The following SP140 variants were observed in gnomAD, a reference collection of about 807,000 sequenced individuals.
SP140 encodes nuclear body protein SP140.
In SP140, 81 loss-of-function variants were observed where a neutral mutation model predicts 125.0. The observed-to-expected ratio is 0.65, with a 90% CI of 0.54 to 0.78. The LOEUF (loss-of-function observed/expected upper bound fraction) is 0.78. SP140 is among the 30% of genes least tolerant of loss of function. The pLI is 0.00. For missense variants in SP140, 858 were observed against 1,037.0 expected (o/e 0.83, Z 2.37); for synonymous variants, 312 against 354.0 (o/e 0.88, Z 1.33).
chr2:230,307,440 GCCCAGA>G (rs1417387597), intron 22 of SP140, among the ~76,000 whole-genome samples: 4 of 152,348 alleles, frequency 2.6e-5, no homozygotes, highest in Non-Finnish European at 5.9e-5. Flanking sequence ...CCTTTGGGGA[GCCCAGA>G]CCTGGAAGCT....
At chr2:230,268,384 C>T (rs183504668) in intron 12 of SP140, among the ~76,000 whole-genome samples, 24 of 151,904 alleles carry the variant, frequency 1.6e-4, no homozygotes, top group African/African-American at 5.8e-4. Context: ...ATTAGCCAGG[C>T]GTGGTGGCAG....
rs182640141 is a variant in SP140 at position 230,299,469 on chromosome 2, C to T, written c.2058+2007C>T. Among the ~76,000 whole-genome samples the T allele has an allele frequency of 2.3e-4, 35 of 152,328 alleles. No homozygotes were observed. In the East Asian group the frequency reaches 6.0e-3, roughly 26 times the overall value. ...TAAGCATTTCAGTCCCCAGGGAAGC[C>T]ATTTCTGACTTTATCTCACAGTCCT... On this transcript the variant is annotated intron_variant, in intron 22 of 26. Coordinates refer to ENST00000392045, the MANE Select transcript of SP140 (RefSeq NM_007237.5).
chr2:230,251,877 A>G (rs1326704109), intron 10 of SP140, among the ~76,000 whole-genome samples: 1 of 152,134 alleles, frequency 6.6e-6, no homozygotes, highest in African/African-American at 2.4e-5. Context: ...ACACAGACGT[A>G]CATGTGACAC....
intron 15 of SP140, among the ~76,000 whole-genome samples, chr2:230,282,583 G>A (rs1396194278): frequency 6.6e-6 from 1 of 152,076 alleles, no homozygotes; most frequent in Non-Finnish European, 1.5e-5. Context: ...GATCACTTGA[G>A]GTCAGGAGTT....
intron 3 of SP140, chr2:230,238,598 A>G (rs2048299943): frequency 1.3e-6 from 1 of 756,702 alleles, no homozygotes; most frequent in East Asian, 2.7e-5. Context: ...AATCCTGCAA[A>G]TGGTTGCTCA....
downstream of SP140, among the ~76,000 whole-genome samples, chr2:230,314,354 G>A (rs1487853719): frequency 3.9e-5 from 6 of 152,324 alleles, no homozygotes; most frequent in East Asian, 1.9e-4. Flanking sequence ...TGAAGAGAGC[G>A]TTTATCCTCC....
chr2:230,202,014 T>TGAATGCAGAAACAGTTGTAG (rs1201908293), upstream of SP140, among the ~76,000 whole-genome samples: 6 of 152,326 alleles, frequency 3.9e-5, no homozygotes, highest in African/African-American at 1.4e-4. Context: ...ATATCACAAC[T>TGAATGCAGAAACAGTTGTAG]GAATGCAGAA....
At chr2:230,288,184 G>C in intron 18 of SP140, 1 of 458,344 alleles carries the variant, frequency 2.2e-6, no homozygotes, top group South Asian at 3.8e-5. Context: ...GGGCCCAGGG[G>C]CCACTAAAGT....
intron 12 of SP140, among the ~76,000 whole-genome samples, chr2:230,260,293 G>A (rs1356873935): frequency 6.6e-6 from 1 of 152,000 alleles, no homozygotes; most frequent in East Asian, 1.9e-4. Context: ...GGGATTGTTT[G>A]TTTTTTTCTT....
At chr2:230,189,891 G>A in the SP140 span, among the ~76,000 whole-genome samples, 2 of 152,288 alleles carry the variant, frequency 1.3e-5, no homozygotes, top group East Asian at 1.9e-4. Context: ...TTTTATGGCT[G>A]CATAGTGTTC....
intron 18 of SP140, 90 bp from the exon 19 acceptor site, chr2:230,290,370 A>G: frequency 1.7e-6 from 2 of 1,158,958 alleles, no homozygotes; most frequent in Admixed American, 2.2e-5. Context: ...TTTCCTAAGT[A>G]TCCCTCGTGT....
At chr2:230,316,024 T>C (rs1032649734), downstream of SP140, among the ~76,000 whole-genome samples, 30 of 152,354 alleles carry the variant, frequency 2.0e-4, no homozygotes, top group East Asian at 4.6e-3. Context: ...TTCTCAAGGA[T>C]TGGACAACAG....
chr2:230,241,564 C>A, intron 4 of SP140, 77 bp downstream of exon 4: 1 of 835,558 alleles, frequency 1.2e-6, no homozygotes, highest in Non-Finnish European at 2.1e-6. Context: ...TCTTGTATTT[C>A]CTCTCCTGTC....
chr2:230,286,062 A>G (rs1478808128), intron 17 of SP140, among the ~76,000 whole-genome samples: 1 of 152,176 alleles, frequency 6.6e-6, no homozygotes, highest in Non-Finnish European at 1.5e-5. Context: ...TCTGTGTTTT[A>G]TCTCATTTTC....
chr2:230,297,034 C>A (rs1196847946), intron 21 of SP140, among the ~76,000 whole-genome samples: 1 of 152,194 alleles, frequency 6.6e-6, no homozygotes, highest in Non-Finnish European at 1.5e-5. Flanking sequence ...GAGCAAAGAG[C>A]AATTCATGAA....
chr2:230,283,098 G>A (rs1172899447), intron 15 of SP140, among the ~76,000 whole-genome samples: 4 of 152,156 alleles, frequency 2.6e-5, no homozygotes, highest in Non-Finnish European at 4.4e-5. Context: ...TCAGAAGCTG[G>A]GCCCAGCCCC....
At position 230,240,939 on chromosome 2, in the gene SP140, A is replaced by G. The variant is rs79134982; in HGVS notation, c.407-465A>G. On this transcript the variant is annotated intron_variant, in intron 3 of 26. Coordinates refer to ENST00000392045, the MANE Select transcript of SP140 (RefSeq NM_007237.5). The stretch of plus-strand genomic sequence containing the variant: ...AACGGAGGGTAGATAAACTATGACT[A>G]ATTTATAGAGTATAATACTATTCAG... 5.1e-4 allele frequency among the ~76,000 whole-genome samples: 77 copies of G among 152,310 alleles called. 1 individual carries two copies. In the East Asian group the frequency reaches 0.014, roughly 28 times the overall value.
At chr2:230,221,681 A>T (rs2045833542), upstream of SP140, 3 of 1,535,234 alleles carry the variant, frequency 2.0e-6, no homozygotes, top group African/African-American at 4.1e-5. Context: ...AGGTTATTTT[A>T]TGCAAATGTC....
intron 22 of SP140, among the ~76,000 whole-genome samples, chr2:230,297,992 A>C: frequency 6.6e-6 from 1 of 152,228 alleles, no homozygotes; most frequent in Admixed American, 6.5e-5. Context: ...AGTACATACA[A>C]GGCAAGGGGT....
Sources: gnomAD v4.1 joint callset for allele counts (sites outside exome capture counted in the v4.1 genomes callset) on GRCh38, gnomAD v4.1.1 for gene constraint, MANE v1.5 for transcripts, NCBI Gene and HGNC (gene_info 2026-07-23, HGNC 2026-07-21) for gene names.